The following EFHB variants were observed in gnomAD, a reference collection of about 807,000 sequenced individuals.
EFHB encodes EF-hand domain-containing family member B.
Under a neutral mutation model 87.2 loss-of-function variants are expected in EFHB, and 91 were observed. The ratio of observed to expected loss-of-function variants is 1.04; its 90% CI spans 0.88 to 1.24. EFHB has a LOEUF of 1.24. Ranked by LOEUF, EFHB falls within the 50% of genes most tolerant of loss-of-function variation. EFHB has a pLI of 0.00. For missense variants in EFHB, 1,084 were observed against 998.8 expected (o/e 1.09, Z -1.15); for synonymous variants, 325 against 333.6 (o/e 0.97, Z 0.28).
chr3:19,882,675 G>C lies in EFHB; in HGVS notation c.2203C>G (p.Arg735Gly). 1 of 1,613,732 alleles carries C rather than the reference G, an allele frequency of 6.2e-7. No individual in the cohort carries two copies. Among genetic ancestry groups the C allele is most frequent in the East Asian group, 2.2e-5 (1 of 44,862 alleles). Residue 735 changes from arginine (R) to glycine (G), a missense_variant, in exon 12 of 13, where the codon CGT becomes GGT. Physicochemically the swap from Arg to Gly is moderately radical, Grantham distance 125. Coordinates refer to ENST00000295824, the MANE Select transcript of EFHB (RefSeq NM_144715.4). ...IRSDIPAPRI[R>G]RISDRTNYGE... ...TAATTAGTTCTGTCACTGATGCGAC[G>C]AATTCGGGGAGCAGGAATGTCAGAT...
intron 9 of EFHB, among the ~76,000 whole-genome samples, chr3:19,892,350 C>T (rs899144437): frequency 6.6e-6 from 1 of 152,214 alleles, no homozygotes; most frequent in African/African-American, 2.4e-5. Flanking sequence ...GTGCCCACAT[C>T]TTAGTAAAGC....
intron 9 of EFHB, among the ~76,000 whole-genome samples, chr3:19,895,467 C>A (rs1432697329): frequency 1.2e-4 from 17 of 147,306 alleles, no homozygotes; most frequent in African/African-American, 4.1e-4. Flanking sequence ...GGCGACAGAG[C>A]GAGACTCGGT....
chr3:19,905,214 T>C (rs1694799670), intron 6 of EFHB, among the ~76,000 whole-genome samples: 2 of 152,182 alleles, frequency 1.3e-5, no homozygotes, highest in Admixed American at 1.3e-4. Context: ...AAGGCCCTAC[T>C]GTACTCCAGC....
intron 1 of EFHB, among the ~76,000 whole-genome samples, chr3:19,939,688 G>T (rs1178677810): frequency 4.0e-5 from 6 of 151,478 alleles, no homozygotes; most frequent in African/African-American, 1.2e-4. Context: ...CCGCCCATGG[G>T]TCTCCCTCTT....
At chr3:19,921,537 A>G (rs1384912580) in intron 1 of EFHB, among the ~76,000 whole-genome samples, 1 of 152,110 alleles carries the variant, frequency 6.6e-6, no homozygotes, top group African/African-American at 2.4e-5. Flanking sequence ...ATGACAAATA[A>G]ATTGAGAAAG....
intron 4 of EFHB, among the ~76,000 whole-genome samples, chr3:19,917,681 T>C (rs998528836): frequency 2.6e-5 from 4 of 152,182 alleles, no homozygotes; most frequent in Admixed American, 2.0e-4. Context: ...TGATCAACTC[T>C]AATGAGTTAT....
At chr3:19,913,552 A>T (rs1695130287) in intron 5 of EFHB, among the ~76,000 whole-genome samples, 2 of 152,346 alleles carry the variant, frequency 1.3e-5, no homozygotes, top group East Asian at 3.9e-4. Flanking sequence ...GCAGGACACC[A>T]AAAAATCAAA....
chr3:19,907,212 T>G (rs149594303), intron 5 of EFHB, among the ~76,000 whole-genome samples: 2 of 152,256 alleles, frequency 1.3e-5, no homozygotes, highest in African/African-American at 4.8e-5. Context: ...AAAAACCTTC[T>G]GCATAGCAAA....
intron 1 of EFHB, among the ~76,000 whole-genome samples, chr3:19,939,774 G>A (rs1407796336): frequency 6.6e-6 from 1 of 152,126 alleles, no homozygotes; most frequent in Non-Finnish European, 1.5e-5. Flanking sequence ...TTCCATGTCT[G>A]TGTACTAAAC....
intron 1 of EFHB, among the ~76,000 whole-genome samples, chr3:19,944,262 G>A (rs1051289057): frequency 6.6e-6 from 1 of 152,204 alleles, no homozygotes. Flanking sequence ...GGAAGAGAAG[G>A]AAAAGGTTAT....
chr3:19,903,864 C>T (rs775009336), intron 6 of EFHB, among the ~76,000 whole-genome samples: 11 of 152,298 alleles, frequency 7.2e-5, no homozygotes, highest in East Asian at 1.9e-4. Flanking sequence ...ACCCCTGATA[C>T]GTCTGAGCTG....
intron 1 of EFHB, 25 bp downstream of exon 1, chr3:19,933,205 C>G: frequency 6.3e-7 from 1 of 1,596,274 alleles, no homozygotes. Flanking sequence ...AGTTTAGTTC[C>G]TATGGAAAGT....
chr3:19,917,526 T>C (rs934643524), intron 4 of EFHB, among the ~76,000 whole-genome samples: 3 of 152,000 alleles, frequency 2.0e-5, no homozygotes, highest in African/African-American at 7.2e-5. Flanking sequence ...TAAAGAAAGA[T>C]GGAATTTGAG....
chr3:19,932,773 C>G (rs1695872881), intron 1 of EFHB, among the ~76,000 whole-genome samples: 1 of 152,148 alleles, frequency 6.6e-6, no homozygotes, highest in Non-Finnish European at 1.5e-5. Context: ...AGGTAGGGAC[C>G]ATGTACTTTT....
At chr3:19,945,780 G>C (rs774848226) in intron 1 of EFHB, 5 of 152,166 alleles carry the variant, frequency 3.3e-5, no homozygotes, top group Non-Finnish European at 5.9e-5. Flanking sequence ...CAACTAGGTA[G>C]TTGATCTGAA....
chr3:19,909,072 T>A (rs1274522315), intron 5 of EFHB, among the ~76,000 whole-genome samples: 2 of 121,980 alleles, frequency 1.6e-5, no homozygotes, highest in Non-Finnish European at 3.2e-5. Context: ...GACAACTATC[T>A]ACACAGATAT....
rs1234382206 is a variant in EFHB at position 19,884,300 on chromosome 3, G to A, written c.2146+103C>T. 24 of 1,113,598 alleles carry A rather than the reference G, an allele frequency of 2.2e-5. No individual in the cohort carries two copies. The East Asian group carries it at 5.6e-4, about 26-fold the overall frequency. 69.0% of individuals were successfully genotyped at this position (1,113,598 alleles called of 1,614,324 possible). The stretch of plus-strand genomic sequence containing the variant: ...ATATGAATTAAATGCAAGGTACAAA[G>A]CTTTGGGAAACTTAATCTAACGGAG... On this transcript the variant is annotated intron_variant, in intron 11 of 12. Coordinates refer to ENST00000295824, the MANE Select transcript of EFHB (RefSeq NM_144715.4).
chr3:19,884,330 G>T (rs1193793293), intron 11 of EFHB, 73 bp downstream of exon 11: 3 of 1,378,892 alleles, frequency 2.2e-6, no homozygotes, highest in Non-Finnish European at 3.0e-6. Flanking sequence ...ACGGAGAAAG[G>T]CAGGGGACAA....
At chr3:19,939,928 A>G (rs1311590928) in intron 1 of EFHB, among the ~76,000 whole-genome samples, 1 of 152,168 alleles carries the variant, frequency 6.6e-6, no homozygotes, top group Non-Finnish European at 1.5e-5. Flanking sequence ...ACTTAGTGTT[A>G]TAGATTTGAT....
Sources: gnomAD v4.1 joint callset for allele counts (sites outside exome capture counted in the v4.1 genomes callset) on GRCh38, gnomAD v4.1.1 for gene constraint, MANE v1.5 for transcripts, NCBI Gene and HGNC (gene_info 2026-07-23, HGNC 2026-07-21) for gene names.